The following TRAPPC12 variants were observed in gnomAD, a reference collection of about 807,000 sequenced individuals.
TRAPPC12 encodes the protein trafficking protein particle complex subunit 12.
A neutral mutation model predicts 69.2 loss-of-function variants in TRAPPC12; 61 were observed. The ratio of observed to expected loss-of-function variants is 0.88; its 90% CI spans 0.72 to 1.09. The LOEUF is 1.09. Among genes scored for constraint, TRAPPC12 ranks in the 50% least tolerant of loss-of-function variants. TRAPPC12 has a pLI of 0.00. For synonymous variants in TRAPPC12, 469 were observed against 438.9 expected, an observed-to-expected ratio of 1.07 and a Z score of -0.86; for missense variants, 1,101 against 1,016.4, an observed-to-expected ratio of 1.08 and a Z score of -1.13.
Position 3,479,217 on chromosome 2 carries a change from A to G in TRAPPC12, c.1966-2A>G, listed in dbSNP as rs1033835664. The G allele has an allele frequency of 1.2e-6, 2 of 1,612,766 alleles. No homozygotes were observed. The highest frequency in any genetic ancestry group is 1.7e-6 in the Non-Finnish European group (2 of 1,179,140). On this transcript the variant is annotated splice_acceptor_variant, in intron 11 of 11. Coordinates refer to ENST00000324266, the MANE Select transcript of TRAPPC12 (RefSeq NM_016030.6). LOFTEE classifies it high-confidence loss of function. ...CAACCCTGGGCGTGTGCTCCTCCCT[A>G]GGCCAACAACAACGCTGCCGTGTGT...
intron 6 of TRAPPC12, among the ~76,000 whole-genome samples, chr2:3,445,714 G>A (rs1664471503): frequency 6.6e-6 from 1 of 152,270 alleles, no homozygotes; most frequent in Non-Finnish European, 1.5e-5. Context: ...TGGCTCTAAA[G>A]TCCATGCTCT....
chr2:3,465,857 TTC>T (rs1665784197), intron 9 of TRAPPC12, 162 bp downstream of exon 9: 2 of 622,592 alleles, frequency 3.2e-6, no homozygotes. Flanking sequence ...TTTCCAGGAG[TTC>T]TGGTTTGACT....
chr2:3,393,099 G>A (rs1394040001), intron 2 of TRAPPC12, among the ~76,000 whole-genome samples: 1 of 150,536 alleles, frequency 6.6e-6, no homozygotes, highest in African/African-American at 2.5e-5. Flanking sequence ...AACAGAGTAA[G>A]ACCTGTCTCT....
chr2:3,465,776 C>A, intron 9 of TRAPPC12, 81 bp downstream of exon 9: 2 of 940,742 alleles, frequency 2.1e-6, no homozygotes, highest in Middle Eastern at 2.2e-4. Flanking sequence ...TGCTTTTAAT[C>A]ATTTTAATAT....
At chr2:3,393,530 A>G (rs910071882) in intron 2 of TRAPPC12, among the ~76,000 whole-genome samples, 20 of 152,198 alleles carry the variant, frequency 1.3e-4, no homozygotes, top group African/African-American at 4.6e-4. Flanking sequence ...CACAGTAACT[A>G]TGGGTAGTGA....
At chr2:3,392,461 A>G (rs1191781883) in intron 2 of TRAPPC12, among the ~76,000 whole-genome samples, 1 of 152,212 alleles carries the variant, frequency 6.6e-6, no homozygotes. Context: ...TAATGCAGCC[A>G]CAACACTGCA....
intron 7 of TRAPPC12, among the ~76,000 whole-genome samples, chr2:3,458,836 T>C (rs1201136831): frequency 6.6e-6 from 1 of 152,006 alleles, no homozygotes; most frequent in Non-Finnish European, 1.5e-5. Context: ...TAGGGGAGGA[T>C]TTAGAGCAGG....
At chr2:3,411,613 A>G (rs1323928176) in intron 3 of TRAPPC12, among the ~76,000 whole-genome samples, 1 of 152,242 alleles carries the variant, frequency 6.6e-6, no homozygotes, top group African/African-American at 2.4e-5. Context: ...CACAAAATTC[A>G]TATGCTTCTA....
rs1287904236 is a variant in TRAPPC12, at chr2:3,388,107, A to C, written c.484A>C (p.Ile162Leu). 1 of 1,565,602 alleles carries C rather than the reference A, an allele frequency of 6.4e-7. No individual in the cohort carries two copies. Among genetic ancestry groups the C allele is most frequent in the Non-Finnish European group, 8.6e-7 (1 of 1,160,378 alleles). Reference protein sequence around the residue: ...PVAEPVPVCTIFSQRAPPASG... With the variant: ...PVAEPVPVCTLFSQRAPPASG... Reference sequence around the variant, plus strand: ...TGCGGAGCCGGTCCCGGTGTGCACCATCTTCAGCCAGCGCGCGCCCCCAGC... The same window carrying C: ...TGCGGAGCCGGTCCCGGTGTGCACCCTCTTCAGCCAGCGCGCGCCCCCAGC... The change falls in exon 2 of 12, where the codon ATC (isoleucine) becomes CTC (leucine). Residue 162 changes from isoleucine (I) to leucine (L), a missense_variant. Ile to Leu is a conservative substitution (Grantham distance 5). Coordinates refer to ENST00000324266, the MANE Select transcript of TRAPPC12 (RefSeq NM_016030.6).
intron 2 of TRAPPC12, among the ~76,000 whole-genome samples, chr2:3,397,532 G>C (rs555810313): frequency 1.3e-5 from 2 of 152,318 alleles, no homozygotes; most frequent in South Asian, 4.1e-4. Flanking sequence ...ATACAGCTGA[G>C]TGTCAGCAGT....
chr2:3,463,111 G>A (rs1665600836), intron 8 of TRAPPC12: 1 of 374,184 alleles, frequency 2.7e-6, no homozygotes, highest in Middle Eastern at 3.8e-4. Context: ...AAATCCACAG[G>A]ATCTGGAGAG....
At chr2:3,426,779 G>A (rs1202035597) in intron 5 of TRAPPC12, among the ~76,000 whole-genome samples, 5 of 152,242 alleles carry the variant, frequency 3.3e-5, no homozygotes, top group Non-Finnish European at 5.9e-5. Flanking sequence ...CTCCCCCGGA[G>A]CAAGTCTCGT....
intron 3 of TRAPPC12, among the ~76,000 whole-genome samples, chr2:3,417,398 G>A (rs1489553591): frequency 6.6e-6 from 1 of 151,588 alleles, no homozygotes; most frequent in Non-Finnish European, 1.5e-5. Flanking sequence ...ACCACGTGCA[G>A]TCTTTAGACT....
At chr2:3,409,746 TC>T (rs1196395561) in intron 3 of TRAPPC12, among the ~76,000 whole-genome samples, 18,610 of 113,748 alleles carry the variant, frequency 0.16, 1,921 homozygotes, top group Non-Finnish European at 0.22. Context: ...CAAGACTTTG[TC>T]TTTAAAAAAA....
At chr2:3,417,613 C>T (rs1335018737) in intron 3 of TRAPPC12, among the ~76,000 whole-genome samples, 1 of 152,110 alleles carries the variant, frequency 6.6e-6, no homozygotes, top group Non-Finnish European at 1.5e-5. Flanking sequence ...TAGCACAGTG[C>T]CTGGTTCACA....
chr2:3,391,686 TC>T (rs1238383564), intron 2 of TRAPPC12, among the ~76,000 whole-genome samples: 1 of 152,206 alleles, frequency 6.6e-6, no homozygotes, highest in East Asian at 1.9e-4. Flanking sequence ...GAATACCAAT[TC>T]CGGACTCTGA....
chr2:3,401,338 T>C (rs781242583), intron 2 of TRAPPC12, among the ~76,000 whole-genome samples: 19 of 152,312 alleles, frequency 1.2e-4, no homozygotes, highest in Non-Finnish European at 2.6e-4. Flanking sequence ...CAGGCCTGCC[T>C]GCACCAGCGC....
chr2:3,396,221 A>G (rs1014068848), intron 2 of TRAPPC12, among the ~76,000 whole-genome samples: 5 of 150,980 alleles, frequency 3.3e-5, no homozygotes, highest in Admixed American at 3.3e-4. Flanking sequence ...TACAGTATGT[A>G]GAATTCTAGG....
At chr2:3,472,799 G>A (rs1666122345) in intron 9 of TRAPPC12, among the ~76,000 whole-genome samples, 1 of 152,154 alleles carries the variant, frequency 6.6e-6, no homozygotes, top group Admixed American at 6.5e-5. Context: ...ATGCAGCAGG[G>A]GAGAGACTGG....
Sources: gnomAD v4.1 joint callset for allele counts (sites outside exome capture counted in the v4.1 genomes callset) on GRCh38, gnomAD v4.1.1 for gene constraint, MANE v1.5 for transcripts, NCBI Gene and HGNC (gene_info 2026-07-23, HGNC 2026-07-21) for gene names.